ADCY2: variants seen among roughly 807,000 people sequenced by gnomAD.
ADCY2 encodes adenylate cyclase type 2.
In ADCY2, 31 loss-of-function variants were observed where a neutral mutation model predicts 125.2. The observed-to-expected ratio is 0.25, with a 90% CI of 0.19 to 0.33. The LOEUF (loss-of-function observed/expected upper bound fraction) is 0.33. Ranked by LOEUF, ADCY2 falls within the 10% of genes least tolerant of loss-of-function variation. The pLI is 1.00. For synonymous variants in ADCY2, 512 were observed against 548.4 expected (o/e 0.93, Z 0.93); for missense variants, 904 against 1,418.2 (o/e 0.64, Z 5.82).
intron 11 of ADCY2, among the ~76,000 whole-genome samples, chr5:7,713,784 A>G (rs1036430580): frequency 2.6e-5 from 4 of 152,272 alleles, no homozygotes; most frequent in African/African-American, 4.8e-5. Context: ...TAACCAGTGT[A>G]AGATGTAGTT....
chr5:7,689,975 C>T (rs554721623), intron 4 of ADCY2, among the ~76,000 whole-genome samples: 1 of 152,160 alleles, frequency 6.6e-6, no homozygotes, highest in Admixed American at 6.5e-5. Flanking sequence ...GAAAATGCCA[C>T]TCTAACTAGA....
At chr5:7,798,603 G>A (rs1487105265) in intron 20 of ADCY2, 3 of 143,480 alleles carry the variant, frequency 2.1e-5, no homozygotes, top group South Asian at 4.6e-4. Flanking sequence ...TTTTTGAGAC[G>A]GAGTCTTGCT....
intron 3 of ADCY2, among the ~76,000 whole-genome samples, chr5:7,597,065 T>G (rs940082193): frequency 1.3e-5 from 2 of 152,250 alleles, no homozygotes; most frequent in African/African-American, 4.8e-5. Context: ...AGGTTGCAGG[T>G]ATCCAGGGAG....
At chr5:7,633,989 G>A (rs1738408129) in intron 4 of ADCY2, among the ~76,000 whole-genome samples, 1 of 152,112 alleles carries the variant, frequency 6.6e-6, no homozygotes, top group Non-Finnish European at 1.5e-5. Context: ...TCTAAAATGA[G>A]CCCTTTTGTT....
intron 1 of ADCY2, among the ~76,000 whole-genome samples, chr5:7,399,422 AATTG>A (rs909799875): frequency 8.5e-5 from 13 of 152,200 alleles, no homozygotes; most frequent in Non-Finnish European, 1.8e-4. Flanking sequence ...ATATTTCCCT[AATTG>A]ATATTGTTCA....
At chr5:7,727,072 G>T in intron 13 of ADCY2, 92 bp from the exon 14 acceptor site, 1 of 883,172 alleles carries the variant, frequency 1.1e-6, no homozygotes. Flanking sequence ...TCTGAGTGTG[G>T]TGCATGCTCT....
At chr5:7,482,791 T>TATATATATATATATATATAC (rs1443104319) in intron 2 of ADCY2, among the ~76,000 whole-genome samples, 100 of 139,788 alleles carry the variant, frequency 7.2e-4, no homozygotes, top group African/African-American at 2.7e-3. Context: ...TATATATATA[T>TATATATATATATATATATAC]ACACACACAC....
chr5:7,800,672 A>AAAAAAG (rs1553990546), intron 20 of ADCY2: 1 of 152,166 alleles, frequency 6.6e-6, no homozygotes, highest in East Asian at 1.9e-4. Context: ...AAAAAGAAAA[A>AAAAAAG]AAAGTATGTC....
intron 7 of ADCY2, among the ~76,000 whole-genome samples, chr5:7,699,982 A>G (rs1012493628): frequency 6.6e-6 from 1 of 152,262 alleles, no homozygotes; most frequent in African/African-American, 2.4e-5. Context: ...GATTTTTAAA[A>G]GAAATTTTGA....
intron 2 of ADCY2, among the ~76,000 whole-genome samples, chr5:7,508,284 G>T (rs1743919439): frequency 6.6e-6 from 1 of 152,120 alleles, no homozygotes; most frequent in African/African-American, 2.4e-5. Context: ...TTAGGTTTCT[G>T]CTCTGATAAA....
chr5:7,429,014 CAGAG>C (rs3033090), intron 2 of ADCY2, among the ~76,000 whole-genome samples: 27 of 149,774 alleles, frequency 1.8e-4, no homozygotes, highest in African/African-American at 2.2e-4. Flanking sequence ...AAGAGTTGCA[CAGAG>C]AGAGAGAGAG....
chr5:7,491,808 A>G (rs1743174431), intron 2 of ADCY2, among the ~76,000 whole-genome samples: 2 of 152,192 alleles, frequency 1.3e-5, no homozygotes, highest in East Asian at 1.9e-4. Context: ...CATTTGGGAA[A>G]ATTTAGAATG....
chr5:7,524,631 G>A (rs930960249), intron 3 of ADCY2, among the ~76,000 whole-genome samples: 3 of 152,164 alleles, frequency 2.0e-5, no homozygotes, highest in Non-Finnish European at 2.9e-5. Flanking sequence ...TTGCAGGACC[G>A]TTATTTTGTA....
At position 7,666,414 on chromosome 5, in the gene ADCY2, G is replaced by A. The variant is rs935450731; in HGVS notation, c.721-24277G>A. ...CTCCTGAGTAGCTGGGACTACAGGC[G>A]CCCGCCACCACGCCCGGCTAATTTT... is the stretch of plus-strand genomic sequence containing the variant. On this transcript the variant is annotated intron_variant, in intron 4 of 24. Transcript: ENST00000338316. Among the ~76,000 whole-genome samples the A allele has an allele frequency of 5.9e-5, 9 of 151,352 alleles. 1 individual carries two copies. The South Asian group carries it at 1.7e-3, about 28-fold the overall frequency.
At chr5:7,675,435 A>G (rs772744861) in intron 4 of ADCY2, among the ~76,000 whole-genome samples, 11 of 152,172 alleles carry the variant, frequency 7.2e-5, no homozygotes, top group Non-Finnish European at 1.2e-4. Context: ...GGGATGACCA[A>G]TGTAAGTGAA....
chr5:7,398,629 C>A (rs1177954379), intron 1 of ADCY2, among the ~76,000 whole-genome samples: 1 of 152,216 alleles, frequency 6.6e-6, no homozygotes, highest in Non-Finnish European at 1.5e-5. Flanking sequence ...ATACCTAATT[C>A]ATGGTCTCAT....
In ADCY2 at chr5:7,488,425, A is replaced by G. The variant is rs532688682; in HGVS notation, c.409-32313A>G. Among the ~76,000 whole-genome samples the G allele has an allele frequency of 4.2e-4, 64 of 152,236 alleles. 1 individual carries two copies. Among genetic ancestry groups the G allele is most frequent in the Admixed American group, 9.8e-4 (15 of 15,288 alleles). Reference sequence around the variant, plus strand: ...CATCTTGCCAGGATTTCCAGGTGGTATGTGGGCTTGGGGGTCACTGACTCC... The same window carrying G: ...CATCTTGCCAGGATTTCCAGGTGGTGTGTGGGCTTGGGGGTCACTGACTCC... On this transcript the variant is annotated intron_variant, in intron 2 of 24. Coordinates refer to ENST00000338316, the MANE Select transcript of ADCY2 (RefSeq NM_020546.3).
At chr5:7,506,004 A>T (rs1404934877) in intron 2 of ADCY2, among the ~76,000 whole-genome samples, 1 of 147,998 alleles carries the variant, frequency 6.8e-6, no homozygotes, top group Non-Finnish European at 1.5e-5. Flanking sequence ...TTTTTTCCCC[A>T]CTTCTGAGAT....
chr5:7,686,124 G>T (rs1001239505), intron 4 of ADCY2, among the ~76,000 whole-genome samples: 1 of 152,142 alleles, frequency 6.6e-6, no homozygotes, highest in Non-Finnish European at 1.5e-5. Flanking sequence ...TCTATTACAT[G>T]CATGGTTTAT....
Sources: gnomAD v4.1 joint callset for allele counts (sites outside exome capture counted in the v4.1 genomes callset) on GRCh38, gnomAD v4.1.1 for gene constraint, MANE v1.5 for transcripts, NCBI Gene and HGNC (gene_info 2026-07-23, HGNC 2026-07-21) for gene names.